Variants in RNF150 observed in about 807,000 individuals in gnomAD.
RNF150 encodes ring finger protein 150.
RNF150 carries 24 observed loss-of-function variants against 39.3 expected under a neutral mutation model. The ratio of observed to expected loss-of-function variants is 0.61; its 90% confidence interval spans 0.44 to 0.86. The LOEUF is 0.86. RNF150 is among the 40% of genes least tolerant of loss of function. RNF150 has a pLI of 0.00. For synonymous variants in RNF150, 255 were observed against 227.3 expected (o/e 1.12, Z -1.10); for missense variants, 502 against 587.8 (o/e 0.85, Z 1.51).
At chr4:140,907,548 G>A (rs1730433416) in intron 6 of RNF150, among the ~76,000 whole-genome samples, 1 of 152,034 alleles carries the variant, frequency 6.6e-6, no homozygotes, top group Admixed American at 6.6e-5. Flanking sequence ...ACTGCACATG[G>A]GCCAGGAAAG....
In RNF150 at chr4:140,926,200, C is replaced by T. The variant is rs374714444; in HGVS notation, c.891-127G>A. The T allele has an allele frequency of 2.3e-4, 154 of 662,658 alleles. No individual in the cohort carries two copies. The African/African-American group carries it at 2.4e-3, about 10-fold the overall frequency. 41.0% of individuals were successfully genotyped at this position (662,658 alleles called of 1,614,324 possible). ...CAGAGCCAAGACTCAAACCTCCATC[C>T]CTAACTTGTGGGCCAAAGTGTTTCC... On this transcript the variant is annotated intron_variant, in intron 4 of 6. Transcript: ENST00000515673.
intron 1 of RNF150, among the ~76,000 whole-genome samples, chr4:140,993,823 G>C (rs1186071549): frequency 6.6e-6 from 1 of 152,190 alleles, no homozygotes; most frequent in East Asian, 1.9e-4. Context: ...GAAAATCTCA[G>C]TGCACTGTTA....
chr4:141,000,890 G>A (rs1316192030), intron 1 of RNF150, among the ~76,000 whole-genome samples: 3 of 152,158 alleles, frequency 2.0e-5, no homozygotes, highest in Non-Finnish European at 4.4e-5. Context: ...AAGTATGACA[G>A]TATAAAACCT....
At chr4:140,879,514 T>G (rs1259627181) in intron 6 of RNF150, among the ~76,000 whole-genome samples, 1 of 152,212 alleles carries the variant, frequency 6.6e-6, no homozygotes, top group African/African-American at 2.4e-5. Flanking sequence ...TTTCTTAATT[T>G]CCTTTCATAT....
intron 1 of RNF150, among the ~76,000 whole-genome samples, chr4:141,088,678 TACACACAC>T (rs60239559): frequency 1.4e-4 from 21 of 146,612 alleles, no homozygotes; most frequent in African/African-American, 4.0e-4. Flanking sequence ...ACTTTGCTTT[TACACACAC>T]ACACACACAC....
At chr4:140,893,111 AC>A (rs1233902216) in intron 6 of RNF150, among the ~76,000 whole-genome samples, 7 of 151,938 alleles carry the variant, frequency 4.6e-5, no homozygotes, top group Non-Finnish European at 1.0e-4. Context: ...CACCATGACC[AC>A]CCCCCGGCCT....
intron 4 of RNF150, among the ~76,000 whole-genome samples, chr4:140,927,772 C>T (rs1315081194): frequency 6.6e-6 from 1 of 150,530 alleles, no homozygotes; most frequent in African/African-American, 2.5e-5. Context: ...CCTCAGCCTC[C>T]CAAGTAGCTG....
At position 141,031,295 on chromosome 4, in the gene RNF150, A is replaced by T. The variant is rs925386900; in HGVS notation, c.485-63422T>A. Among the ~76,000 whole-genome samples the T allele has an allele frequency of 3.1e-4, 47 of 152,246 alleles. No homozygotes were observed. The East Asian group carries it at 3.1e-3, about 10-fold the overall frequency. ...TTGAACAGTTTCAGATGTGAAACTA[A>T]TAAACTAGTAGAAGAAAACATGGGG... On this transcript the variant is annotated intron_variant, in intron 1 of 6. Transcript: ENST00000515673.
chr4:140,945,462 T>C (rs1193381252), intron 4 of RNF150, among the ~76,000 whole-genome samples: 1 of 151,312 alleles, frequency 6.6e-6, no homozygotes, highest in Non-Finnish European at 1.5e-5. Context: ...GGTACATCTA[T>C]GACTTGGATA....
At chr4:141,167,829 A>T (rs76762386) in intron 1 of RNF150, among the ~76,000 whole-genome samples, 7 of 152,170 alleles carry the variant, frequency 4.6e-5, no homozygotes, top group Non-Finnish European at 1.0e-4. Context: ...AGACTTAAAA[A>T]CATAAAACCT....
chr4:140,870,246 C>T (rs1208409143), intron 6 of RNF150, among the ~76,000 whole-genome samples: 2 of 152,080 alleles, frequency 1.3e-5, no homozygotes, highest in African/African-American at 4.8e-5. Flanking sequence ...AAGTTCATAG[C>T]AATGTAACAG....
intron 5 of RNF150, among the ~76,000 whole-genome samples, chr4:140,916,606 G>C (rs1231174941): frequency 6.6e-6 from 1 of 152,190 alleles, no homozygotes; most frequent in Non-Finnish European, 1.5e-5. Flanking sequence ...GAATCAAGTT[G>C]GAAAACACTC....
intron 1 of RNF150, among the ~76,000 whole-genome samples, chr4:141,163,026 G>A (rs912523666): frequency 2.0e-5 from 3 of 152,112 alleles, no homozygotes; most frequent in Non-Finnish European, 2.9e-5. Context: ...CCACCACCAC[G>A]GAGCCCAGCA....
intron 1 of RNF150, among the ~76,000 whole-genome samples, chr4:141,023,024 T>A (rs527753181): frequency 6.6e-6 from 1 of 152,280 alleles, no homozygotes; most frequent in South Asian, 2.1e-4. Flanking sequence ...TGTTTGTAGA[T>A]CTTGTGAAAT....
intron 1 of RNF150, among the ~76,000 whole-genome samples, chr4:141,169,279 TC>T (rs1171032979): frequency 1.3e-5 from 2 of 152,082 alleles, no homozygotes; most frequent in Admixed American, 1.3e-4. Context: ...CGTGTCTACT[TC>T]CCCTTTACCT....
At chr4:140,973,674 A>G (rs949861431) in intron 1 of RNF150, among the ~76,000 whole-genome samples, 1 of 151,950 alleles carries the variant, frequency 6.6e-6, no homozygotes, top group Admixed American at 6.6e-5. Context: ...GTCAGGAGTT[A>G]AAGACCAGCT....
chr4:141,102,982 C>T (rs1739067521), intron 1 of RNF150, among the ~76,000 whole-genome samples: 2 of 152,134 alleles, frequency 1.3e-5, no homozygotes, highest in Admixed American at 1.3e-4. Flanking sequence ...TATACTCATG[C>T]ACTTCCATCT....
chr4:141,007,869 T>C (rs1198119173), intron 1 of RNF150, among the ~76,000 whole-genome samples: 1 of 152,208 alleles, frequency 6.6e-6, no homozygotes, highest in East Asian at 1.9e-4. Context: ...ACAGTAGGTA[T>C]CCCTGCATGA....
chr4:140,901,724 C>A (rs761935498), intron 6 of RNF150, among the ~76,000 whole-genome samples: 6 of 152,076 alleles, frequency 3.9e-5, no homozygotes, highest in African/African-American at 1.2e-4. Context: ...GGGTAACTGG[C>A]GATTTCTCAA....
Sources: allele counts gnomAD v4.1 joint callset (sites outside exome capture counted in the v4.1 genomes callset), GRCh38; gene constraint gnomAD v4.1.1; transcripts MANE v1.5; gene names NCBI Gene and HGNC (gene_info 2026-07-23, HGNC 2026-07-21).